FSD1L: variants seen among roughly 807,000 people sequenced by gnomAD.
FSD1L encodes FSD1-like protein.
FSD1L carries 45 observed loss-of-function variants against 71.6 expected under a neutral mutation model. The ratio of observed to expected loss-of-function variants is 0.63; its 90% CI spans 0.49 to 0.81. The LOEUF (loss-of-function observed/expected upper bound fraction) is 0.81. FSD1L is among the 30% of genes least tolerant of loss of function. The pLI is 0.00. For missense variants in FSD1L, 561 were observed against 618.1 expected, an observed-to-expected ratio of 0.91 and a Z score of 0.98; for synonymous variants, 197 against 207.2, an observed-to-expected ratio of 0.95 and a Z score of 0.42.
chr9:105,501,728 C>G (rs186269596), intron 7 of FSD1L, among the ~76,000 whole-genome samples: 1 of 152,116 alleles, frequency 6.6e-6, no homozygotes, highest in African/African-American at 2.4e-5. Flanking sequence ...ACCACTGCAC[C>G]CAGCCATCAT....
chr9:105,496,336 A>C (rs541096469), intron 7 of FSD1L, among the ~76,000 whole-genome samples: 2 of 151,344 alleles, frequency 1.3e-5, no homozygotes, highest in Non-Finnish European at 2.9e-5. Flanking sequence ...CAGTCTTCCA[A>C]CTTTGATCTT....
rs542504462 is a variant in FSD1L at position 105,468,685 on chromosome 9, G to A, written c.339+361G>A. Among the ~76,000 whole-genome samples the A allele has an allele frequency of 1.8e-3, 280 of 152,126 alleles. 1 individual carries two copies. The highest frequency in any genetic ancestry group is 6.4e-3 in the African/African-American group (265 of 41,508). ...AATTTTTGTATTTTTAGTAGAGACG[G>A]GGTTTCACCATGTTGGCCAGGCTGG... On this transcript the variant is annotated intron_variant, in intron 4 of 13. Transcript: ENST00000481272.
At chr9:105,506,054 G>A (rs79217661) in intron 7 of FSD1L, among the ~76,000 whole-genome samples, 112 of 152,014 alleles carry the variant, frequency 7.4e-4, no homozygotes, top group Middle Eastern at 3.4e-3. Flanking sequence ...CATTCAAGAG[G>A]GAAAATACAC....
At chr9:105,484,570 T>C in intron 7 of FSD1L, 68 bp downstream of exon 7, 1 of 1,074,964 alleles carries the variant, frequency 9.3e-7, no homozygotes, top group Non-Finnish European at 1.3e-6. Flanking sequence ...TTTTTTGCAG[T>C]GAACATTGGT....
chr9:105,484,930 A>G (rs867552863), intron 7 of FSD1L, among the ~76,000 whole-genome samples: 4 of 152,340 alleles, frequency 2.6e-5, no homozygotes, highest in Non-Finnish European at 4.4e-5. Context: ...TAAAATATTT[A>G]TAATAGTACC....
chr9:105,511,423 T>TAA (rs1172062522), intron 9 of FSD1L, among the ~76,000 whole-genome samples: 2 of 152,114 alleles, frequency 1.3e-5, no homozygotes, highest in Non-Finnish European at 2.9e-5. Flanking sequence ...GATGTTAACT[T>TAA]TATTAAGGCA....
intron 10 of FSD1L, among the ~76,000 whole-genome samples, chr9:105,532,616 A>ACTGC (rs1403832076): frequency 6.6e-6 from 1 of 152,344 alleles, no homozygotes; most frequent in Non-Finnish European, 1.5e-5. Flanking sequence ...GCAAGAAACT[A>ACTGC]CTGCCTACCT....
At chr9:105,526,331 A>G (rs1835507803) in intron 10 of FSD1L, 1 of 1,611,350 alleles carries the variant, frequency 6.2e-7, no homozygotes, top group Non-Finnish European at 8.5e-7. Context: ...GCTCCCTACC[A>G]CCATTTACCA....
intron 7 of FSD1L, among the ~76,000 whole-genome samples, chr9:105,487,931 C>T (rs1413729987): frequency 6.6e-6 from 1 of 152,184 alleles, no homozygotes; most frequent in Non-Finnish European, 1.5e-5. Flanking sequence ...GGAGATTTCT[C>T]ATATACCTTC....
intron 11 of FSD1L, 49 bp downstream of exon 11, chr9:105,534,642 C>A: frequency 9.4e-7 from 1 of 1,061,822 alleles, no homozygotes; most frequent in Non-Finnish European, 1.4e-6. Context: ...AAAGGCATCA[C>A]AATCACACTG....
chr9:105,495,897 G>A (rs1398244350), intron 7 of FSD1L, among the ~76,000 whole-genome samples: 3 of 151,810 alleles, frequency 2.0e-5, no homozygotes, highest in East Asian at 2.0e-4. Context: ...GCATGAACCC[G>A]GGAGGCGGAG....
rs763292794 is a variant in FSD1L, at chr9:105,539,285, A to G, written c.1401A>G (p.Ala467=). The G allele has an allele frequency of 2.7e-6, 4 of 1,492,288 alleles. 1 individual carries two copies. The highest frequency in any genetic ancestry group is 1.4e-5 in the African/African-American group (1 of 70,634). 92.4% of individuals were successfully genotyped at this position (1,492,288 alleles called of 1,614,324 possible). ...TAGGTCAACTTTCATTCTATGATGC[A>G]AATTCTAAACAGTTGCTATATTCCT... The part of the protein sequence containing the change: ...FDGGQLSFYD[A]NSKQLLYSFK... The change falls in exon 13 of 14, where the codon GCA becomes GCG. Residue 467 remains alanine, a synonymous_variant. Transcript: ENST00000481272.
rs1833455821 is a variant in FSD1L, at chr9:105,497,017, T to G, written c.587-9382T>G. Among the ~76,000 whole-genome samples, 3 of 152,238 alleles carry G rather than the reference T, an allele frequency of 2.0e-5. No individual in the cohort carries two copies. In the South Asian group the frequency reaches 6.2e-4, roughly 31 times the overall value. Reference sequence around the variant, plus strand: ...TGTAATTTTTTTTGTAGCTATTTCTTAACAAGTTGAGTTGAGGAAGTTCCT... The same window carrying G: ...TGTAATTTTTTTTGTAGCTATTTCTGAACAAGTTGAGTTGAGGAAGTTCCT... On this transcript the variant is annotated intron_variant, in intron 7 of 13. Transcript: ENST00000481272.
intron 1 of FSD1L, among the ~76,000 whole-genome samples, chr9:105,461,047 C>G (rs938223020): frequency 3.3e-5 from 5 of 152,144 alleles, no homozygotes; most frequent in Non-Finnish European, 7.3e-5. Flanking sequence ...CCACATATAG[C>G]TATTATAATT....
intron 13 of FSD1L, among the ~76,000 whole-genome samples, chr9:105,541,470 A>G (rs1044021375): frequency 6.6e-6 from 1 of 152,074 alleles, no homozygotes; most frequent in African/African-American, 2.4e-5. Context: ...TATCTCATGT[A>G]TGTATGTACT....
chr9:105,521,800 C>T, intron 10 of FSD1L: 1 of 1,612,552 alleles, frequency 6.2e-7, no homozygotes, highest in Admixed American at 1.7e-5. Context: ...GAAGAAGCCA[C>T]AGAACAAAAC....
intron 7 of FSD1L, among the ~76,000 whole-genome samples, chr9:105,493,407 A>G (rs1348496467): frequency 6.6e-6 from 1 of 151,954 alleles, no homozygotes; most frequent in Non-Finnish European, 1.5e-5. Flanking sequence ...TGCACGTGAG[A>G]TGGGTTTCCT....
At chr9:105,526,612 G>T (rs531855179) in intron 10 of FSD1L, among the ~76,000 whole-genome samples, 1 of 152,188 alleles carries the variant, frequency 6.6e-6, no homozygotes, top group African/African-American at 2.4e-5. Flanking sequence ...CTTCATGTCT[G>T]CCATAACATG....
At chr9:105,485,242 A>G (rs1456107993) in intron 7 of FSD1L, among the ~76,000 whole-genome samples, 2 of 152,232 alleles carry the variant, frequency 1.3e-5, no homozygotes, top group African/African-American at 2.4e-5. Context: ...CTGGGCAGCA[A>G]TATCTGGCAG....
Sources: allele counts gnomAD v4.1 joint callset (sites outside exome capture counted in the v4.1 genomes callset), GRCh38; gene constraint gnomAD v4.1.1; transcripts MANE v1.5; gene names NCBI Gene and HGNC (gene_info 2026-07-23, HGNC 2026-07-21).